Variants in HECTD4 observed in about 807,000 individuals in gnomAD.
HECTD4 encodes the protein HECT domain E3 ubiquitin protein ligase 4, also known as probable E3 ubiquitin-protein ligase HECTD4.
In HECTD4, 114 loss-of-function variants were observed where a neutral mutation model predicts 471.5. That is an observed-to-expected ratio of 0.24 (90% CI 0.21 to 0.28). The LOEUF (loss-of-function observed/expected upper bound fraction) is 0.28, where lower values mean the gene tolerates loss of function less well. Among genes scored for constraint, HECTD4 ranks in the 10% least tolerant of loss-of-function variants. The pLI is 1.00. For synonymous variants in HECTD4, 2,012 were observed against 2,256.0 expected (o/e 0.89, Z 3.07); for missense variants, 3,866 against 5,651.5 (o/e 0.68, Z 10.13).
chr12:112,207,671 C>A (rs1365395330), intron 52 of HECTD4, among the ~76,000 whole-genome samples: 1 of 152,108 alleles, frequency 6.6e-6, no homozygotes, highest in East Asian at 1.9e-4. Flanking sequence ...CCCATCAACC[C>A]AAAATATTCA....
chr12:112,366,250 C>T (rs2135754834), intron 1 of HECTD4, among the ~76,000 whole-genome samples: 2 of 152,232 alleles, frequency 1.3e-5, no homozygotes, highest in South Asian at 4.2e-4. Flanking sequence ...TGGCTCACAT[C>T]TAATCCCAGC....
At chr12:112,244,363 T>A (rs928440842) in intron 29 of HECTD4, among the ~76,000 whole-genome samples, 3 of 152,190 alleles carry the variant, frequency 2.0e-5, no homozygotes, top group Non-Finnish European at 2.9e-5. Context: ...TTCTTTTTTT[T>A]AATTTTTCAA....
At chr12:112,352,190 G>A (rs550082459) in intron 1 of HECTD4, among the ~76,000 whole-genome samples, 1 of 152,266 alleles carries the variant, frequency 6.6e-6, no homozygotes, top group South Asian at 2.1e-4. Context: ...ATGGTGGCGA[G>A]GAGGGGACAT....
Position 112,190,850 on chromosome 12 carries a change from C to T in HECTD4, c.9408G>A (p.Gly3136=), listed in dbSNP as rs1299574001. ...TGGTGTCAGGCTCATCTTCGGACTT[C>T]CCTTCACTGTCCTCTGATTTCCAGG... ...LLSWKSEDSE[G]KSEDEPDTIP... Residue 3136 remains glycine (G), a synonymous_variant, in exon 60 of 76, where the codon GGG becomes GGA. Transcript: ENST00000682272. The T allele has an allele frequency of 3.2e-6, 5 of 1,585,400 alleles. No homozygotes were observed. Among genetic ancestry groups the T allele is most frequent in the Non-Finnish European group, 1.7e-6 (2 of 1,165,846 alleles).
Position 112,255,717 on chromosome 12 carries a change from C to T in HECTD4, c.3327+603G>A, listed in dbSNP as rs550040337. The stretch of plus-strand genomic sequence containing the variant: ...ATGTTACATATTTCATTAGCCTTTC[C>T]CCCTAAGACCACATGACAGGTTACA... On this transcript the variant is annotated intron_variant, in intron 21 of 75. Transcript: ENST00000682272. 6.6e-5 allele frequency among the ~76,000 whole-genome samples: 10 copies of T among 152,204 alleles called. No individual in the cohort carries two copies. In the South Asian group the frequency reaches 1.9e-3, roughly 28 times the overall value.
At chr12:112,263,614 T>C (rs1398371007) in intron 17 of HECTD4, among the ~76,000 whole-genome samples, 4 of 151,996 alleles carry the variant, frequency 2.6e-5, no homozygotes, top group East Asian at 1.9e-4. Context: ...CATACAAAGA[T>C]TGAAAAAATT....
rs1449361984 is a variant in HECTD4 at position 112,219,267 on chromosome 12, G to T, written c.7074+119C>A. ...GCAAAGAGGGCATGTCACTGCAAAA[G>T]AATGCACCTCCAAACGGCTTTGCAA... On this transcript the variant is annotated intron_variant, in intron 45 of 75. Coordinates refer to ENST00000682272, the MANE Select transcript of HECTD4 (RefSeq NM_001388303.1). 5.1e-6 allele frequency: 3 copies of T among 589,080 alleles called. No individual in the cohort carries two copies. The East Asian group carries it at 9.2e-5, about 18-fold the overall frequency. The allele number at this position is 589,080 out of a possible 1,614,324, so 36.5% of individuals were successfully genotyped here. A position where few individuals can be genotyped will look rare whatever the true frequency, so the allele number is the denominator to read the frequency against.
At chr12:112,190,708 C>T in intron 60 of HECTD4, 78 bp downstream of exon 60, 1 of 1,398,220 alleles carries the variant, frequency 7.2e-7, no homozygotes, top group Non-Finnish European at 9.7e-7. Flanking sequence ...CCTACACCAC[C>T]TGGCAAGCTC....
intron 6 of HECTD4, 120 bp from the exon 7 acceptor site, chr12:112,306,354 A>G (rs1393407963): frequency 2.5e-6 from 2 of 784,476 alleles, no homozygotes; most frequent in Non-Finnish European, 3.5e-6. Context: ...TCTGGTCAAA[A>G]TAAAATGGAT....
chr12:112,224,013 T>G (rs922018107), intron 44 of HECTD4, among the ~76,000 whole-genome samples: 3 of 152,162 alleles, frequency 2.0e-5, no homozygotes, highest in Non-Finnish European at 4.4e-5. Flanking sequence ...CCTTAAAAAA[T>G]GAAAATCAAA....
intron 13 of HECTD4, among the ~76,000 whole-genome samples, chr12:112,267,677 T>C (rs1353049069): frequency 6.6e-6 from 1 of 152,180 alleles, no homozygotes; most frequent in African/African-American, 2.4e-5. Flanking sequence ...CATATAACTA[T>C]TGTGCCTCCC....
At chr12:112,280,501 G>A (rs1400767425) in intron 8 of HECTD4, among the ~76,000 whole-genome samples, 1 of 151,846 alleles carries the variant, frequency 6.6e-6, no homozygotes, top group African/African-American at 2.4e-5. Flanking sequence ...AGATGGTTTA[G>A]ATTAGAAGAG....
chr12:112,272,694 T>C (rs2034441144), intron 11 of HECTD4, among the ~76,000 whole-genome samples: 1 of 152,178 alleles, frequency 6.6e-6, no homozygotes, highest in African/African-American at 2.4e-5. Flanking sequence ...CAGATCTCAC[T>C]AGTAAACTTC....
At chr12:112,286,161 A>G (rs1233931209) in intron 7 of HECTD4, among the ~76,000 whole-genome samples, 1 of 152,188 alleles carries the variant, frequency 6.6e-6, no homozygotes, top group Non-Finnish European at 1.5e-5. Flanking sequence ...GGAAATCCCT[A>G]CTTTAGCAAA....
intron 16 of HECTD4, 53 bp from the exon 17 acceptor site, chr12:112,264,265 T>A: frequency 7.1e-7 from 1 of 1,401,446 alleles, no homozygotes; most frequent in Non-Finnish European, 9.5e-7. Flanking sequence ...GAAAGAGCGA[T>A]CATGTAATCC....
Position 112,235,091 on chromosome 12 carries a change from G to C in HECTD4, c.5901C>G (p.Leu1967=). Residue 1967 remains leucine, a synonymous_variant, in exon 37 of 76, where the codon CTC becomes CTG. Coordinates refer to ENST00000682272, the MANE Select transcript of HECTD4 (RefSeq NM_001388303.1). This position sits in a 1 kb window ranked among gnomAD's most constrained non-coding sequence, Gnocchi z 5.0. ...ATTATGGTCACCTTAGCAATGGCTGGAGGACTTCATGGGATGACTGGTCTT... is the reference window on the plus strand; with the variant it reads ...ATTATGGTCACCTTAGCAATGGCTGCAGGACTTCATGGGATGACTGGTCTT... ...KREDQSSHEV[L]QPLLSSSEGR... is the part of the protein sequence containing the mutation. The C allele has an allele frequency of 1.3e-6, 2 of 1,576,370 alleles. No homozygotes were observed. The highest frequency in any genetic ancestry group is 1.7e-6 in the Non-Finnish European group (2 of 1,160,372).
chr12:112,165,815 G>A (rs539002196), intron 72 of HECTD4, among the ~76,000 whole-genome samples: 19 of 152,316 alleles, frequency 1.2e-4, no homozygotes, highest in African/African-American at 3.4e-4. Flanking sequence ...AAACTGATTC[G>A]CACTGTGCTT....
At chr12:112,203,039 C>A in intron 54 of HECTD4, 1 of 152,420 alleles carries the variant, frequency 6.6e-6, no homozygotes, top group South Asian at 2.0e-4. Context: ...CAGCCTTGAC[C>A]TCCCAGGCTG....
chr12:112,311,032 C>T (rs573466111), intron 4 of HECTD4, among the ~76,000 whole-genome samples: 3 of 152,164 alleles, frequency 2.0e-5, no homozygotes, highest in African/African-American at 7.2e-5. Context: ...GAGGCCGAGG[C>T]GGGCAGATCA....
Sources: gnomAD v4.1 joint callset for allele counts (sites outside exome capture counted in the v4.1 genomes callset) on GRCh38, gnomAD v4.1.1 for gene constraint, Gnocchi (gnomAD v3.1) non-coding constraint, MANE v1.5 for transcripts, NCBI Gene and HGNC (gene_info 2026-07-23, HGNC 2026-07-21) for gene names.